The following RBFOX1 variants were observed in gnomAD, a reference collection of about 807,000 sequenced individuals.
RBFOX1 encodes RNA binding fox-1 homolog 1.
RBFOX1 carries 8 observed loss-of-function variants against 57.7 expected under a neutral mutation model. The ratio of observed to expected loss-of-function variants is 0.14; its 90% confidence interval spans 0.08 to 0.25. The LOEUF is 0.25. Ranked by LOEUF, RBFOX1 falls within the 10% of genes least tolerant of loss-of-function variation. The probability of loss-of-function intolerance (pLI) is 1.00; values close to 1 mark genes in which losing one functional copy is unlikely to be tolerated. For missense variants in RBFOX1, 611 were observed against 548.5 expected, an observed-to-expected ratio of 1.11 and a Z score of -1.14; for synonymous variants, 326 against 222.4, an observed-to-expected ratio of 1.47 and a Z score of -4.15.
chr16:7,615,319 C>G (rs2058259747), intron 10 of RBFOX1, among the ~76,000 whole-genome samples: 1 of 143,780 alleles, frequency 7.0e-6, no homozygotes, highest in Non-Finnish European at 1.5e-5. Context: ...GGCAATAGAG[C>G]AAGACTCCAT....
At chr16:6,172,135 C>A (rs1179045058) in intron 1 of RBFOX1, among the ~76,000 whole-genome samples, 1 of 151,880 alleles carries the variant, frequency 6.6e-6, no homozygotes, top group African/African-American at 2.4e-5. Context: ...GTTTTTTTAT[C>A]ATTGGTCAAG....
chr16:6,338,535 C>T (rs182979475), intron 2 of RBFOX1, among the ~76,000 whole-genome samples: 16 of 152,324 alleles, frequency 1.1e-4, no homozygotes, highest in Non-Finnish European at 2.1e-4. Context: ...AATTCTCATA[C>T]AGTTGAGCAC....
intron 3 of RBFOX1, among the ~76,000 whole-genome samples, chr16:6,805,318 T>G (rs2086487932): frequency 6.6e-6 from 1 of 152,162 alleles, no homozygotes. Context: ...TGTTCTCACT[T>G]ACAAGTGGGA....
At chr16:6,515,693 A>G (rs1217071101) in intron 2 of RBFOX1, among the ~76,000 whole-genome samples, 1 of 152,076 alleles carries the variant, frequency 6.6e-6, no homozygotes, top group Admixed American at 6.6e-5. Context: ...CCATTTCTCA[A>G]AACCCTCCCC....
intron 3 of RBFOX1, among the ~76,000 whole-genome samples, chr16:6,733,026 C>G (rs2069075608): frequency 1.3e-5 from 2 of 152,116 alleles, no homozygotes; most frequent in South Asian, 2.1e-4. Context: ...GGTACATAGT[C>G]TTTTTAAAAA....
chr16:5,610,132 C>T (rs1254562630), intron 3 of RBFOX1, among the ~76,000 whole-genome samples: 1 of 152,128 alleles, frequency 6.6e-6, no homozygotes, highest in Non-Finnish European at 1.5e-5. Flanking sequence ...AGGGAGTTTT[C>T]TGAATTTCCA....
chr16:5,648,139 C>A (rs2049110199), intron 3 of RBFOX1, among the ~76,000 whole-genome samples: 1 of 152,188 alleles, frequency 6.6e-6, no homozygotes, highest in Non-Finnish European at 1.5e-5. Context: ...GGATCACAGG[C>A]ATGAGCCACT....
At chr16:6,496,932 C>A (rs1207024668) in intron 2 of RBFOX1, among the ~76,000 whole-genome samples, 1 of 152,068 alleles carries the variant, frequency 6.6e-6, no homozygotes, top group Non-Finnish European at 1.5e-5. Context: ...TGCACTCCAG[C>A]CTGGGCAACA....
At chr16:7,536,218 G>A (rs933078062) in intron 5 of RBFOX1, among the ~76,000 whole-genome samples, 1 of 152,210 alleles carries the variant, frequency 6.6e-6, no homozygotes, top group African/African-American at 2.4e-5. Flanking sequence ...AAAGGTAGAG[G>A]GTGATGTGCA....
chr16:7,207,398 A>G (rs2090210899), intron 4 of RBFOX1, among the ~76,000 whole-genome samples: 1 of 152,238 alleles, frequency 6.6e-6, no homozygotes, highest in East Asian at 1.9e-4. Flanking sequence ...TTAGGTTCAC[A>G]TGAATGGTAG....
chr16:5,817,371 C>A (rs1489121714), intron 3 of RBFOX1, among the ~76,000 whole-genome samples: 1 of 152,192 alleles, frequency 6.6e-6, no homozygotes, highest in Non-Finnish European at 1.5e-5. Flanking sequence ...GGAACTCTCA[C>A]TGATATCCCA....
At chr16:5,359,128 T>C (rs1379752562) in intron 1 of RBFOX1, among the ~76,000 whole-genome samples, 1 of 152,254 alleles carries the variant, frequency 6.6e-6, no homozygotes, top group Non-Finnish European at 1.5e-5. Context: ...TCCACATTTT[T>C]GCAAATGTCA....
At chr16:5,281,088 C>G (rs751300255) in intron 1 of RBFOX1, among the ~76,000 whole-genome samples, 9 of 151,996 alleles carry the variant, frequency 5.9e-5, no homozygotes, top group Non-Finnish European at 1.2e-4. Context: ...AACTTCCCTC[C>G]TAGTACTGCT....
At chr16:7,446,812 T>TG (rs2098812031) in intron 4 of RBFOX1, among the ~76,000 whole-genome samples, 1 of 125,844 alleles carries the variant, frequency 7.9e-6, no homozygotes, top group African/African-American at 3.2e-5. Flanking sequence ...TTTTTTTTTT[T>TG]TTTTTTTTTT....
intron 3 of RBFOX1, among the ~76,000 whole-genome samples, chr16:6,835,283 C>G (rs1258659312): frequency 6.6e-6 from 1 of 152,120 alleles, no homozygotes; most frequent in African/African-American, 2.4e-5. Context: ...TGCGGGTTCC[C>G]TTTCTGCATC....
intron 3 of RBFOX1, among the ~76,000 whole-genome samples, chr16:6,903,486 G>C (rs2068983996): frequency 6.6e-6 from 1 of 152,184 alleles, no homozygotes; most frequent in Non-Finnish European, 1.5e-5. Flanking sequence ...CTAGTGTTCA[G>C]CAAGTGCTGG....
chr16:6,662,700 A>G (rs1394041401), intron 3 of RBFOX1, among the ~76,000 whole-genome samples: 1 of 152,118 alleles, frequency 6.6e-6, no homozygotes, highest in African/African-American at 2.4e-5. Flanking sequence ...TTGATCATCT[A>G]CCTTTTTGAC....
At chr16:7,181,168 G>T (rs973540181) in intron 4 of RBFOX1, among the ~76,000 whole-genome samples, 1 of 152,062 alleles carries the variant, frequency 6.6e-6, no homozygotes, top group African/African-American at 2.4e-5. Flanking sequence ...ACGGCCTTGT[G>T]GTTCAAAGAC....
intron 4 of RBFOX1, among the ~76,000 whole-genome samples, chr16:7,223,917 G>T (rs2092918732): frequency 1.3e-5 from 2 of 151,810 alleles, no homozygotes; most frequent in South Asian, 4.2e-4. Context: ...ATTGTACCAA[G>T]TTGAAAGTGG....
Sources: allele counts gnomAD v4.1 joint callset (sites outside exome capture counted in the v4.1 genomes callset), GRCh38; gene constraint gnomAD v4.1.1; transcripts MANE v1.5; gene names NCBI Gene and HGNC (gene_info 2026-07-23, HGNC 2026-07-21).